The following TTC3 variants were observed in gnomAD, a reference collection of about 807,000 sequenced individuals.
The protein encoded by TTC3 is E3 ubiquitin-protein ligase TTC3.
A neutral mutation model predicts 249.6 loss-of-function variants in TTC3; 180 were observed. The observed-to-expected ratio is 0.72, with a 90% CI of 0.64 to 0.82. The LOEUF is 0.82. Ranked by LOEUF, TTC3 falls within the 40% of genes least tolerant of loss-of-function variation. The pLI, the probability that TTC3 is intolerant of heterozygous loss-of-function variation, is 0.00. For synonymous variants in TTC3, 717 were observed against 805.0 expected (o/e 0.89, Z 1.85); for missense variants, 2,061 against 2,398.4 (o/e 0.86, Z 2.94).
At chr21:37,092,565 TA>T (rs2073412529) in intron 7 of TTC3, among the ~76,000 whole-genome samples, 1 of 152,196 alleles carries the variant, frequency 6.6e-6, no homozygotes, top group Non-Finnish European at 1.5e-5. Context: ...TTTGAGAGGT[TA>T]AGTGTTGTTT....
At chr21:37,095,135 A>ATGTGTGTG (rs201291680) in intron 8 of TTC3, among the ~76,000 whole-genome samples, 18 of 76,754 alleles carry the variant, frequency 2.3e-4, no homozygotes, top group African/African-American at 6.7e-4. Context: ...GTCTCTAAAA[A>ATGTGTGTG]TATGTGTGTG....
In TTC3 at chr21:37,201,333, G is replaced by C; in HGVS notation, c.5944-107G>C. Reference sequence around the variant, plus strand: ...GTATTGGGCAGCTCCAGGCCCAAGAGACCAAGGGCAAGTGAGCCACGCCTG... The same window carrying C: ...GTATTGGGCAGCTCCAGGCCCAAGACACCAAGGGCAAGTGAGCCACGCCTG... On this transcript the variant is annotated intron_variant, in intron 45 of 45. Transcript: ENST00000355666. The C allele has an allele frequency of 3.5e-6, 5 of 1,423,804 alleles. No individual in the cohort carries two copies. The East Asian group carries it at 9.1e-5, about 26-fold the overall frequency. 88.2% of individuals were successfully genotyped at this position (1,423,804 alleles called of 1,614,324 possible).
At chr21:37,193,458 G>A (rs2084449890) in intron 41 of TTC3, among the ~76,000 whole-genome samples, 1 of 151,838 alleles carries the variant, frequency 6.6e-6, no homozygotes, top group Non-Finnish European at 1.5e-5. Flanking sequence ...CATTGAATGT[G>A]CAGTTTTAGT....
intron 30 of TTC3, among the ~76,000 whole-genome samples, chr21:37,161,494 C>A (rs1043787693): frequency 2.6e-5 from 4 of 152,196 alleles, no homozygotes; most frequent in Admixed American, 2.0e-4. Context: ...CCAGGCTGTT[C>A]TAGAACTCCT....
intron 16 of TTC3, among the ~76,000 whole-genome samples, chr21:37,131,417 T>C (rs1040615934): frequency 6.6e-6 from 1 of 152,230 alleles, no homozygotes; most frequent in African/African-American, 2.4e-5. Context: ...GCTTCTGGGC[T>C]GACGAACACA....
chr21:37,157,381 A>G (rs1172325860), intron 28 of TTC3, among the ~76,000 whole-genome samples: 3 of 152,216 alleles, frequency 2.0e-5, no homozygotes, highest in African/African-American at 7.2e-5. Flanking sequence ...AGTTTGGTTC[A>G]TTAAAAACCC....
chr21:37,182,655 G>A (rs2082864033), intron 35 of TTC3, 119 bp from the exon 36 acceptor site: 2 of 1,061,864 alleles, frequency 1.9e-6, no homozygotes, highest in East Asian at 3.0e-5. Flanking sequence ...TTGGGAGTGT[G>A]TTCCACTGAA....
chr21:37,102,863 G>T (rs138630107), intron 10 of TTC3, among the ~76,000 whole-genome samples: 2,546 of 152,262 alleles, frequency 0.017, 44 homozygotes, highest in Middle Eastern at 0.051. Context: ...TGGGCATGTT[G>T]GTGCATGCCT....
intron 5 of TTC3, among the ~76,000 whole-genome samples, chr21:37,089,852 G>A (rs1214470888): frequency 2.0e-5 from 3 of 152,072 alleles, no homozygotes; most frequent in East Asian, 1.9e-4. Context: ...GGTGGTAGTG[G>A]CACGTGCCTG....
chr21:37,149,552 T>A (rs555072563), intron 23 of TTC3, among the ~76,000 whole-genome samples: 10 of 152,294 alleles, frequency 6.6e-5, no homozygotes, highest in African/African-American at 1.4e-4. Context: ...ACTCTGTAAA[T>A]TAGTCAGCTT....
Position 37,128,316 on chromosome 21 carries a change from C to T in TTC3, c.1298-687C>T, listed in dbSNP as rs572795233. 1.3e-4 allele frequency among the ~76,000 whole-genome samples: 20 copies of T among 152,328 alleles called. No individual in the cohort carries two copies. The South Asian group carries it at 4.1e-3, about 32-fold the overall frequency. ...AAAAATATGCAGTGGTTTCCTACTC[C>T]TGCCAGCAGAATAAATCTGGGCTCA... is the stretch of plus-strand genomic sequence containing the variant. On this transcript the variant is annotated intron_variant, in intron 15 of 45. Transcript: ENST00000355666.
In TTC3 at chr21:37,140,550, T is replaced by C. The variant is rs750942643; in HGVS notation, c.1660-11T>C. On this transcript the variant is annotated splice_polypyrimidine_tract_variant and intron_variant, in intron 19 of 45. Coordinates refer to ENST00000355666, the Ensembl canonical transcript of TTC3. ...GTATGTAAGTGATCATTGTTTTCAC[T>C]GCTATTCAAGGAATTATCTGAAGCC... 1.3e-6 allele frequency: 2 copies of C among 1,528,604 alleles called. No individual in the cohort carries two copies. The highest frequency in any genetic ancestry group is 2.5e-5 in the South Asian group (2 of 79,876). 94.7% of individuals were successfully genotyped at this position (1,528,604 alleles called of 1,614,324 possible). A position where few individuals can be genotyped will look rare whatever the true frequency, so the allele number is the denominator to read the frequency against.
At chr21:37,147,522 A>T (rs1447064615) in exon 22 of TTC3, 10 of 1,610,602 alleles carry the variant, frequency 6.2e-6, no homozygotes, top group Non-Finnish European at 8.5e-6. Flanking sequence ...AGTTCCCTCC[A>T]GTGCCAGATG....
At chr21:37,136,844 A>G (rs1190710472) in intron 18 of TTC3, among the ~76,000 whole-genome samples, 1 of 152,194 alleles carries the variant, frequency 6.6e-6, no homozygotes, top group Non-Finnish European at 1.5e-5. Context: ...CAAAGCTTCA[A>G]AAAGGATGGG....
intron 28 of TTC3, among the ~76,000 whole-genome samples, chr21:37,157,536 A>G (rs1357490441): frequency 1.3e-5 from 2 of 152,218 alleles, no homozygotes; most frequent in African/African-American, 4.8e-5. Flanking sequence ...CGGGAGGGCC[A>G]GAGAAGGTGC....
At chr21:37,136,925 A>C (rs1248163486) in intron 18 of TTC3, among the ~76,000 whole-genome samples, 1 of 152,200 alleles carries the variant, frequency 6.6e-6, no homozygotes, top group Non-Finnish European at 1.5e-5. Context: ...TGTTCCAAAA[A>C]TCCTCAGGCC....
chr21:37,183,670 T>C (rs1320034417), intron 36 of TTC3, among the ~76,000 whole-genome samples: 1 of 152,142 alleles, frequency 6.6e-6, no homozygotes, highest in African/African-American at 2.4e-5. Context: ...CTGGGGTGGC[T>C]TGGCCTCACT....
chr21:37,188,035 T>C (rs2083499109), intron 38 of TTC3: 1 of 151,808 alleles, frequency 6.6e-6, no homozygotes, highest in Admixed American at 6.6e-5. Context: ...CCAGTTGGTT[T>C]GTGGGGAAGC....
In TTC3 at chr21:37,091,334, T is replaced by C. The variant is rs369404534; in HGVS notation, c.522T>C (p.Tyr174=). The C allele has an allele frequency of 7.4e-6, 12 of 1,611,858 alleles. No homozygotes were observed. The African/African-American group carries it at 1.6e-4, about 22-fold the overall frequency. The stretch of plus-strand genomic sequence containing the variant: ...AAGAAGCTCTGAATTGGATAAAATA[T>C]GCAGGCGATGTAACAATTCTAACTA... The change falls in exon 7 of 46, where the codon TAT becomes TAC. Residue 174 remains tyrosine (Y), a synonymous_variant. Transcript: ENST00000355666.
Sources: allele counts gnomAD v4.1 joint callset (sites outside exome capture counted in the v4.1 genomes callset), GRCh38; gene constraint gnomAD v4.1.1; transcripts MANE v1.5; gene names NCBI Gene and HGNC (gene_info 2026-07-23, HGNC 2026-07-21).